SHROOM3: variants seen among roughly 807,000 people sequenced by gnomAD.
The protein encoded by SHROOM3 is protein Shroom3.
A neutral mutation model predicts 138.6 loss-of-function variants in SHROOM3; 47 were observed. The observed-to-expected ratio is 0.34, with a 90% CI of 0.27 to 0.43. SHROOM3 has a LOEUF of 0.43. SHROOM3 is among the 20% of genes least tolerant of loss of function. SHROOM3 has a pLI of 1.00. For synonymous variants in SHROOM3, 1,062 were observed against 1,063.3 expected, an observed-to-expected ratio of 1.00 and a Z score of 0.02; for missense variants, 2,491 against 2,596.5, an observed-to-expected ratio of 0.96 and a Z score of 0.88.
At chr4:76,695,264 C>T (rs920082491) in intron 2 of SHROOM3, among the ~76,000 whole-genome samples, 6 of 152,170 alleles carry the variant, frequency 3.9e-5, no homozygotes, top group African/African-American at 1.4e-4. Flanking sequence ...GTCCGTTGCT[C>T]CTTACCCCCA....
intron 1 of SHROOM3, among the ~76,000 whole-genome samples, chr4:76,452,426 C>G (rs1182852936): frequency 6.6e-6 from 1 of 152,212 alleles, no homozygotes; most frequent in Non-Finnish European, 1.5e-5. Flanking sequence ...AACCGCCATT[C>G]TACTTTCTGT....
At chr4:76,512,061 C>A (rs578251803) in intron 1 of SHROOM3, among the ~76,000 whole-genome samples, 1 of 152,160 alleles carries the variant, frequency 6.6e-6, no homozygotes, top group Non-Finnish European at 1.5e-5. Flanking sequence ...GAAAGATCCT[C>A]TTTCTTCAGG....
intron 1 of SHROOM3, among the ~76,000 whole-genome samples, chr4:76,550,179 T>C (rs535399592): frequency 6.6e-6 from 1 of 152,220 alleles, no homozygotes; most frequent in Non-Finnish European, 1.5e-5. Context: ...ATATTAAAAG[T>C]ATACTAGAAT....
chr4:76,469,878 GAGAT>G (rs35839793), intron 1 of SHROOM3, among the ~76,000 whole-genome samples: 7,811 of 152,216 alleles, frequency 0.051, 241 homozygotes, highest in African/African-American at 0.083. Context: ...CAGTTTTTAA[GAGAT>G]AGAGCTTTAT....
rs560490456 is a variant in SHROOM3, at chr4:76,622,085, C to T, written c.323+66322C>T. 2.6e-5 allele frequency among the ~76,000 whole-genome samples: 4 copies of T among 152,206 alleles called. No homozygotes were observed. In the South Asian group the frequency reaches 8.3e-4, roughly 32 times the overall value. ...ACCTCAGGCGATCCACCCACCTCGG[C>T]CTCCCAAAGTGCTGGGATTGCGCAC... On this transcript the variant is annotated intron_variant, in intron 2 of 10. Transcript: ENST00000296043.
intron 2 of SHROOM3, among the ~76,000 whole-genome samples, chr4:76,675,451 A>T (rs952023194): frequency 6.6e-6 from 1 of 152,178 alleles, no homozygotes; most frequent in East Asian, 1.9e-4. Context: ...TTTATTGGAG[A>T]TCTATTATCT....
chr4:76,617,341 G>T (rs1174370864), intron 2 of SHROOM3, among the ~76,000 whole-genome samples: 5 of 152,164 alleles, frequency 3.3e-5, no homozygotes, highest in African/African-American at 1.2e-4. Context: ...GGCTGTGTTT[G>T]GAGTTGACCT....
At chr4:76,537,819 A>C (rs1733012610) in intron 1 of SHROOM3, among the ~76,000 whole-genome samples, 1 of 152,196 alleles carries the variant, frequency 6.6e-6, no homozygotes, top group South Asian at 2.1e-4. Context: ...GTGTTTTTTT[A>C]GGGCATGATA....
chr4:76,692,759 A>G (rs1329496434), intron 2 of SHROOM3, among the ~76,000 whole-genome samples: 1 of 152,234 alleles, frequency 6.6e-6, no homozygotes, highest in Non-Finnish European at 1.5e-5. Context: ...GATACAAAAT[A>G]ATAATAAGCA....
chr4:76,738,693 G>A, intron 4 of SHROOM3, 68 bp from the exon 5 acceptor site: 2 of 1,565,946 alleles, frequency 1.3e-6, no homozygotes, highest in South Asian at 1.1e-5. Context: ...TATAAGCTGG[G>A]TCCTCTGCCT....
intron 4 of SHROOM3, among the ~76,000 whole-genome samples, chr4:76,734,179 A>G (rs1382709989): frequency 6.6e-6 from 1 of 152,210 alleles, no homozygotes. Context: ...CCCCTGCACC[A>G]CAATTATTTG....
chr4:76,449,820 TATA>T (rs1208750833), intron 1 of SHROOM3, among the ~76,000 whole-genome samples: 1 of 152,246 alleles, frequency 6.6e-6, no homozygotes, highest in Admixed American at 6.5e-5. Flanking sequence ...CATATTTGAA[TATA>T]ATAATGTGAA....
At chr4:76,742,162 C>T in intron 5 of SHROOM3, 1 of 597,846 alleles carries the variant, frequency 1.7e-6, no homozygotes, top group Non-Finnish European at 3.0e-6. Context: ...CTCTATCTAT[C>T]TGTCTACCTC....
At position 76,754,763 on chromosome 4, in the gene SHROOM3, C is replaced by T; in HGVS notation, c.4280C>T (p.Pro1427Leu). ...AGGGTCTCGCTGCCTCAGTGGCCAC[C>T]TCCTTCTCGAGCAAAGTGGGCCCAC... The part of the protein sequence containing the change: ...RKRVSLPQWP[P>L]PSRAKWAHAA... Residue 1427 changes from proline to leucine, a missense_variant, in exon 7 of 11, where the codon CCT (proline) becomes CTT (leucine). By Grantham distance (98) the Pro-to-Leu change is moderately conservative. Coordinates refer to ENST00000296043, the MANE Select transcript of SHROOM3 (RefSeq NM_020859.4). 1 of 1,614,190 alleles carries T rather than the reference C, an allele frequency of 6.2e-7. No homozygotes were observed. The highest frequency in any genetic ancestry group is 8.5e-7 in the Non-Finnish European group (1 of 1,179,998).
At chr4:76,624,327 C>G (rs563871171) in intron 2 of SHROOM3, among the ~76,000 whole-genome samples, 2 of 152,194 alleles carry the variant, frequency 1.3e-5, no homozygotes, top group South Asian at 4.2e-4. Flanking sequence ...TGTGTCTGCT[C>G]TTGGTCTTGT....
chr4:76,529,254 T>C (rs914438648), intron 1 of SHROOM3, among the ~76,000 whole-genome samples: 3 of 152,170 alleles, frequency 2.0e-5, no homozygotes. Context: ...CCTGTGGCCA[T>C]TGCTACTCTA....
chr4:76,700,861 A>G (rs1335074147), intron 2 of SHROOM3, among the ~76,000 whole-genome samples: 4 of 151,816 alleles, frequency 2.6e-5, no homozygotes, highest in Non-Finnish European at 5.9e-5. Flanking sequence ...GCTCATTGCA[A>G]CCTTCCTCCA....
At chr4:76,497,925 A>G (rs1278275057) in intron 1 of SHROOM3, among the ~76,000 whole-genome samples, 2 of 152,186 alleles carry the variant, frequency 1.3e-5, no homozygotes, top group African/African-American at 4.8e-5. Flanking sequence ...GAGGTCGTGC[A>G]TGGCTGGAGC....
intron 1 of SHROOM3, among the ~76,000 whole-genome samples, chr4:76,552,399 C>G (rs1424864863): frequency 6.6e-6 from 1 of 150,714 alleles, no homozygotes; most frequent in African/African-American, 2.4e-5. Context: ...CCTAGCTACT[C>G]AAAAGGCTGA....
Sources: allele counts gnomAD v4.1 joint callset (sites outside exome capture counted in the v4.1 genomes callset), GRCh38; gene constraint gnomAD v4.1.1; transcripts MANE v1.5; gene names NCBI Gene and HGNC (gene_info 2026-07-23, HGNC 2026-07-21).